Variants in SAP130 observed in about 807,000 individuals in gnomAD.
SAP130 encodes the protein Sin3A associated protein 130, also known as histone deacetylase complex subunit SAP130.
In SAP130, 16 loss-of-function variants were observed where a neutral mutation model predicts 103.2. That is an observed-to-expected ratio of 0.16 (90% CI 0.10 to 0.24). The LOEUF (loss-of-function observed/expected upper bound fraction) is 0.24, where lower values mean the gene tolerates loss of function less well. Among genes scored for constraint, SAP130 ranks in the 10% least tolerant of loss-of-function variants. SAP130 has a pLI of 1.00. For synonymous variants in SAP130, 477 were observed against 497.0 expected (o/e 0.96, Z 0.53); for missense variants, 990 against 1,359.7 (o/e 0.73, Z 4.28).
At chr2:128,023,494 A>C (rs1470632626) in intron 2 of SAP130, among the ~76,000 whole-genome samples, 1 of 152,134 alleles carries the variant, frequency 6.6e-6, no homozygotes, top group Non-Finnish European at 1.5e-5. Context: ...TTTACTGAAA[A>C]GACCATCAGG....
rs1415502983 is a variant in SAP130, at chr2:127,942,183, C to A, written c.3016-19G>T. Reference sequence around the variant, plus strand: ...TATTTCCCTGAAACAGAAGACATTGCATCATCAATCAGTGACCATGAGGAT... The same window carrying A: ...TATTTCCCTGAAACAGAAGACATTGAATCATCAATCAGTGACCATGAGGAT... On this transcript the variant is annotated intron_variant, in intron 20 of 20. Coordinates refer to ENST00000643581, the MANE Select transcript of SAP130 (RefSeq NM_001330301.2). The surrounding 1 kb of genome is among the most constrained non-coding windows in gnomAD (Gnocchi z 4.8). 6.4e-7 allele frequency: 1 copy of A among 1,573,236 alleles called. No homozygotes were observed. Among genetic ancestry groups the A allele is most frequent in the Admixed American group, 2.0e-5 (1 of 49,084 alleles).
chr2:127,960,836 T>TTAAG (rs914544155), intron 15 of SAP130, among the ~76,000 whole-genome samples: 2 of 152,194 alleles, frequency 1.3e-5, no homozygotes, highest in Admixed American at 6.5e-5. Context: ...TTCTAGAATA[T>TTAAG]TAAGATGTCA....
At chr2:127,950,581 C>T (rs1030994007) in intron 16 of SAP130, among the ~76,000 whole-genome samples, 173 bp from the exon 17 acceptor site, 1 of 152,222 alleles carries the variant, frequency 6.6e-6, no homozygotes, top group Non-Finnish European at 1.5e-5. Flanking sequence ...CTGCAAACTC[C>T]TCCCTTATAG....
At chr2:127,962,645 G>A (rs909797408) in intron 15 of SAP130, among the ~76,000 whole-genome samples, 5 of 149,464 alleles carry the variant, frequency 3.3e-5, no homozygotes, top group African/African-American at 7.4e-5. Context: ...ACCAAATACC[G>A]CATGTTCTCA....
rs1369611964 is a variant in SAP130 at position 127,950,230 on chromosome 2, A to C, written c.2601T>G (p.Asp867Glu). 6.2e-7 allele frequency: 1 copy of C among 1,614,130 alleles called. No individual in the cohort carries two copies. Among genetic ancestry groups the C allele is most frequent in the Admixed American group, 1.7e-5 (1 of 60,008 alleles). Residue 867 changes from aspartate (D) to glutamate (E), a missense_variant, in exon 17 of 21, where the codon GAT becomes GAG. By Grantham distance (45) the Asp-to-Glu change is conservative. Coordinates refer to ENST00000643581, the MANE Select transcript of SAP130 (RefSeq NM_001330301.2). ...GAAGACTCTTGGCAGTGGACTTCTC[A>C]TCATCAGTGCTGTTTGTCTCCATCA... ...GDMMETNSTD[D>E]EKSTAKSLLV...
At chr2:128,024,989 G>A (rs1468441309) in intron 2 of SAP130, among the ~76,000 whole-genome samples, 1 of 130,640 alleles carries the variant, frequency 7.7e-6, no homozygotes, top group African/African-American at 3.1e-5. Context: ...GTGACAGAGT[G>A]AGACCCTATT....
chr2:127,941,874 T>A lies in SAP130; in HGVS notation c.*132A>T. ...CACGCCCTTGGATGTCATGGGTTCC[T>A]CTGCTTTCACACGGGAACTAAGGAA... On this transcript the variant is annotated 3_prime_UTR_variant, in exon 21 of 21. Transcript: ENST00000643581. 1.2e-6 allele frequency: 1 copy of A among 835,388 alleles called. No homozygotes were observed. The highest frequency in any genetic ancestry group is 1.9e-6 in the Non-Finnish European group (1 of 525,910). 51.7% of individuals were successfully genotyped at this position (835,388 alleles called of 1,614,324 possible).
rs1214143179 is a variant in SAP130, at chr2:127,950,387, T to G, written c.2444A>C (p.Asn815Thr). The change falls in exon 17 of 21, where the codon AAC (asparagine) becomes ACC (threonine). Residue 815 changes from asparagine (N) to threonine (T), a missense_variant. This residue lies in a region of SAP130 where 349 missense variants were observed against 384.1 expected (regional missense o/e 0.91). Coordinates refer to ENST00000643581, the MANE Select transcript of SAP130 (RefSeq NM_001330301.2). Reference protein sequence around the residue: ...PVSAVPPLATNTVSPSLALLA... With the variant: ...PVSAVPPLATTTVSPSLALLA... ...CAATGCAAGAGATGGAGACACAGTG[T>G]TGGTAGCCAGTGGAGGAACTGCTGT... The G allele has an allele frequency of 6.2e-7, 1 of 1,614,222 alleles. No homozygotes were observed. Among genetic ancestry groups the G allele is most frequent in the East Asian group, 2.2e-5 (1 of 44,888 alleles).
intron 2 of SAP130, among the ~76,000 whole-genome samples, chr2:128,019,227 T>C (rs1280068961): frequency 6.6e-6 from 1 of 152,182 alleles, no homozygotes; most frequent in Non-Finnish European, 1.5e-5. Flanking sequence ...TTTGGTGTTT[T>C]GGTCTACCAG....
Position 127,959,507 on chromosome 2 carries a change from C to T in SAP130, c.2064-4163G>A, listed in dbSNP as rs139865901. On this transcript the variant is annotated intron_variant, in intron 15 of 20. Transcript: ENST00000643581. Reference sequence around the variant, plus strand: ...TCATGTGGTATCATCAGAGGCCAACCGGGAACCTGGCCTTCACTGATCACC... The same window carrying T: ...TCATGTGGTATCATCAGAGGCCAACTGGGAACCTGGCCTTCACTGATCACC... 2.0e-4 allele frequency among the ~76,000 whole-genome samples: 30 copies of T among 152,310 alleles called. No homozygotes were observed. In the East Asian group the frequency reaches 2.1e-3, roughly 11 times the overall value.
At position 127,941,710 on chromosome 2, in the gene SAP130, C is replaced by T; in HGVS notation, c.*296G>A. The T allele has an allele frequency of 5.1e-6, 2 of 390,500 alleles. No individual in the cohort carries two copies. Among genetic ancestry groups the T allele is most frequent in the Non-Finnish European group, 4.6e-6 (1 of 219,778 alleles). The allele number at this position is 390,500 out of a possible 1,614,324, so 24.2% of individuals were successfully genotyped here. A position where few individuals can be genotyped will look rare whatever the true frequency, so the allele number is the denominator to read the frequency against. On this transcript the variant is annotated 3_prime_UTR_variant, in exon 21 of 21. Transcript: ENST00000643581. ...TATAAACCGGAAGGCTGAAAAACACCAGCCAGCCATCCTTGTCATTGCTTC... is the reference window on the plus strand; with the variant it reads ...TATAAACCGGAAGGCTGAAAAACACTAGCCAGCCATCCTTGTCATTGCTTC...
At chr2:127,977,423 AT>A (rs1681544671) in intron 15 of SAP130, among the ~76,000 whole-genome samples, 1 of 151,722 alleles carries the variant, frequency 6.6e-6, no homozygotes, top group Non-Finnish European at 1.5e-5. Context: ...TTGCTTGAAC[AT>A]GGGAGGCCGA....
chr2:127,969,738 G>A (rs531914868), intron 15 of SAP130, among the ~76,000 whole-genome samples: 7 of 152,246 alleles, frequency 4.6e-5, no homozygotes, highest in South Asian at 2.1e-4. Flanking sequence ...GCGCCTTCCC[G>A]ATCTCTGCCT....
intron 2 of SAP130, among the ~76,000 whole-genome samples, chr2:128,018,852 T>C (rs1189386150): frequency 6.6e-6 from 1 of 151,538 alleles, no homozygotes; most frequent in African/African-American, 2.4e-5. Context: ...TCCTAGCACT[T>C]TGGGAAACCA....
At chr2:127,968,194 T>C (rs1158336485) in intron 15 of SAP130, among the ~76,000 whole-genome samples, 1 of 151,310 alleles carries the variant, frequency 6.6e-6, no homozygotes, top group Non-Finnish European at 1.5e-5. Context: ...CTGCAGCCTC[T>C]GCCTCCTAGG....
At chr2:128,005,570 G>A (rs1338585713) in intron 7 of SAP130, among the ~76,000 whole-genome samples, 4 of 151,668 alleles carry the variant, frequency 2.6e-5, no homozygotes, top group Non-Finnish European at 2.9e-5. Context: ...AGCTGAGACC[G>A]CGCCACTGAA....
In SAP130 at chr2:127,966,326, C is replaced by T. The variant is rs529110062; in HGVS notation, c.2064-10982G>A. Among the ~76,000 whole-genome samples the T allele has an allele frequency of 2.6e-5, 4 of 151,938 alleles. 1 individual carries two copies. Among genetic ancestry groups the T allele is most frequent in the African/African-American group, 4.8e-5 (2 of 41,424 alleles). ...TGCCATTGTACTCCAGCCTGGGGGA[C>T]AGAGCGAGACTCCGTCTCAAAAAAA... is the stretch of plus-strand genomic sequence containing the variant. On this transcript the variant is annotated intron_variant, in intron 15 of 20. Coordinates refer to ENST00000643581, the MANE Select transcript of SAP130 (RefSeq NM_001330301.2).
chr2:128,011,144 G>C (rs1684365908), intron 6 of SAP130, among the ~76,000 whole-genome samples: 1 of 152,110 alleles, frequency 6.6e-6, no homozygotes, highest in Non-Finnish European at 1.5e-5. Flanking sequence ...CCTCCACAGA[G>C]GGCCTACTCA....
intron 15 of SAP130, among the ~76,000 whole-genome samples, chr2:127,965,371 A>G (rs1680580983): frequency 6.6e-6 from 1 of 152,174 alleles, no homozygotes; most frequent in Non-Finnish European, 1.5e-5. Flanking sequence ...GAGGCAGAAC[A>G]GGGAGGATCA....
Sources: allele counts gnomAD v4.1 joint callset (sites outside exome capture counted in the v4.1 genomes callset), GRCh38; gene constraint gnomAD v4.1.1; regional missense constraint gnomAD v4.1.1; non-coding constraint Gnocchi (gnomAD v3.1); transcripts MANE v1.5; gene names NCBI Gene and HGNC (gene_info 2026-07-23, HGNC 2026-07-21).